Variants in VPS37B observed in about 807,000 individuals in gnomAD.
VPS37B encodes the protein vacuolar protein sorting-associated protein 37B.
VPS37B carries 11 observed loss-of-function variants against 21.2 expected under a neutral mutation model. The ratio of observed to expected loss-of-function variants is 0.52; its 90% CI spans 0.33 to 0.86. The LOEUF (loss-of-function observed/expected upper bound fraction) is 0.86, where lower values mean the gene tolerates loss of function less well. Ranked by LOEUF, VPS37B falls within the 40% of genes least tolerant of loss-of-function variation. The probability of loss-of-function intolerance (pLI) is 0.03; values close to 1 mark genes in which losing one functional copy is unlikely to be tolerated. For missense variants in VPS37B, 389 were observed against 374.8 expected (o/e 1.04, Z -0.31); for synonymous variants, 175 against 159.6 (o/e 1.10, Z -0.73).
Position 122,868,045 on chromosome 12 carries a change from G to A in VPS37B, c.366+435C>T, listed in dbSNP as rs2033944650. ...ATCGAGCCCAGCCCTATCTTGGCAA[G>A]ACCCTGCCGGCCCCAGCCTGCAACA... On this transcript the variant is annotated intron_variant, in intron 3 of 3. Transcript: ENST00000267202. This position sits in a 1 kb window ranked among gnomAD's most constrained non-coding sequence, Gnocchi z 5.5. Among the ~76,000 whole-genome samples, 1 of 152,216 alleles carries A rather than the reference G, an allele frequency of 6.6e-6. No homozygotes were observed. The highest frequency in any genetic ancestry group is 1.5e-5 in the Non-Finnish European group (1 of 68,030).
At chr12:122,881,783 GT>G (rs1280982187) in intron 1 of VPS37B, 2 of 151,994 alleles carry the variant, frequency 1.3e-5, no homozygotes, top group African/African-American at 4.8e-5. Flanking sequence ...ATCATCTAAG[GT>G]TCATTCCTAT....
At position 122,870,890 on chromosome 12, in the gene VPS37B, CT is replaced by C; in HGVS notation, c.282del (p.Asp95ThrfsTer13). ...CGAATGATCACCCTTAAAAAGTTAC[CT>C]AATTTGGTCTTCTTTATCTGATAGG... ...FEAYQIKKTK[L>X]DRQSSSASLE... On this transcript the variant is annotated frameshift_variant and splice_region_variant, in exon 2 of 4. Transcript: ENST00000267202. LOFTEE classifies it high-confidence loss of function. 6.2e-7 allele frequency: 1 copy of C among 1,611,268 alleles called. No individual in the cohort carries two copies.
intron 1 of VPS37B, chr12:122,872,173 G>A: frequency 2.0e-6 from 2 of 985,454 alleles, no homozygotes; most frequent in South Asian, 9.4e-5. Context: ...CATACCCGTT[G>A]ATTGCTGTCA....
intron 1 of VPS37B, among the ~76,000 whole-genome samples, chr12:122,894,268 G>GAA (rs1251725317): frequency 6.6e-6 from 1 of 152,202 alleles, no homozygotes; most frequent in Admixed American, 6.5e-5. Context: ...CTCCAAAATG[G>GAA]AAGGTGCCAC....
rs768977366 is a variant in VPS37B, at chr12:122,868,496, A to G, written c.350T>C (p.Ile117Thr). The G allele has an allele frequency of 1.2e-6, 2 of 1,613,462 alleles. No individual in the cohort carries two copies. Among genetic ancestry groups the G allele is most frequent in the Non-Finnish European group, 1.7e-6 (2 of 1,179,848 alleles). ...LALLQAEGAKIEEDTENMAEK... is the reference protein window; with the variant it reads ...LALLQAEGAKTEEDTENMAEK... ...GGGCTTTACCTCAGTGTCTTCCTCA[A>G]TCTTGGCCCCTTCTGCCTGAAGAAG... Residue 117 changes from isoleucine to threonine, a missense_variant, in exon 3 of 4, where the codon ATT becomes ACT. By Grantham distance (89) the Ile-to-Thr change is moderately conservative. Transcript: ENST00000267202. The surrounding 1 kb of genome is among the most constrained non-coding windows in gnomAD (Gnocchi z 5.5).
At chr12:122,886,228 T>A (rs946526690) in intron 1 of VPS37B, 6 of 152,252 alleles carry the variant, frequency 3.9e-5, no homozygotes, top group African/African-American at 1.2e-4. Flanking sequence ...CCCCAAGGAC[T>A]CAGTCCTGTG....
At chr12:122,895,724 G>A (rs921756651) in intron 1 of VPS37B, among the ~76,000 whole-genome samples, 17 of 151,134 alleles carry the variant, frequency 1.1e-4, no homozygotes, top group African/African-American at 3.9e-4. Flanking sequence ...CTCCGCCCTA[G>A]TCTCGGTCCC....
chr12:122,890,758 TCAC>T (rs1162134985), intron 1 of VPS37B, among the ~76,000 whole-genome samples: 1 of 152,250 alleles, frequency 6.6e-6, no homozygotes, highest in East Asian at 1.9e-4. Context: ...TATGCCACCA[TCAC>T]CACCATCTAC....
At position 122,867,312 on chromosome 12, in the gene VPS37B, G is replaced by T; in HGVS notation, c.662C>A (p.Thr221Asn). 6.3e-7 allele frequency: 1 copy of T among 1,585,326 alleles called. No homozygotes were observed. Among genetic ancestry groups the T allele is most frequent in the South Asian group, 1.1e-5 (1 of 88,264 alleles). ...PPPVPAGRLA[T>N]PFTAAMSSGQ... ...CGAACTCATGGCCGCAGTAAACGGG[G>T]TGGCTAAGCGTCCCGCAGGCACCGG... Residue 221 changes from threonine to asparagine, a missense_variant, in exon 4 of 4, where the codon ACC (threonine) becomes AAC (asparagine). Coordinates refer to ENST00000267202, the MANE Select transcript of VPS37B (RefSeq NM_024667.3). The surrounding 1 kb of genome is among the most constrained non-coding windows in gnomAD (Gnocchi z 5.5).
Position 122,896,063 on chromosome 12 carries a change from C to T in VPS37B, c.-1G>A, listed in dbSNP as rs1157631023. On this transcript the variant is annotated 5_prime_UTR_variant, in exon 1 of 4. Coordinates refer to ENST00000267202, the MANE Select transcript of VPS37B (RefSeq NM_024667.3). ...GGGCTTCGCTCCCGGCGCCCGCCAT[C>T]CCCACGTCTCGGCCGTCGTCGCCAC... is the stretch of plus-strand genomic sequence containing the variant. 3.8e-6 allele frequency: 6 copies of T among 1,576,896 alleles called. No homozygotes were observed. In the Admixed American group the frequency reaches 8.7e-5, roughly 23 times the overall value.
chr12:122,892,913 T>C (rs939052143), intron 1 of VPS37B, among the ~76,000 whole-genome samples: 2 of 152,056 alleles, frequency 1.3e-5, no homozygotes, highest in African/African-American at 4.8e-5. Flanking sequence ...ATACAAAAAT[T>C]AGCTGGGTGT....
chr12:122,892,673 T>C (rs1474422371), intron 1 of VPS37B, among the ~76,000 whole-genome samples: 1 of 152,208 alleles, frequency 6.6e-6, no homozygotes, highest in African/African-American at 2.4e-5. Context: ...ATCCCAGCAC[T>C]TTGGGAAATC....
intron 1 of VPS37B, chr12:122,873,552 T>G (rs2034080155): frequency 6.6e-6 from 1 of 152,246 alleles, no homozygotes; most frequent in Non-Finnish European, 1.5e-5. Context: ...CAGGGAATTC[T>G]GAGAAACAGG....
chr12:122,870,932 G>T lies in VPS37B; in HGVS notation c.241C>A (p.Gln81Lys). 2 of 1,614,170 alleles carry T rather than the reference G, an allele frequency of 1.2e-6. No homozygotes were observed. The highest frequency in any genetic ancestry group is 1.7e-6 in the Non-Finnish European group (2 of 1,180,030). The change falls in exon 2 of 4, where the codon CAG (glutamine) becomes AAG (lysine). Residue 81 changes from glutamine (Q) to lysine (K), a missense_variant. Physicochemically the swap from Gln to Lys is moderately conservative, Grantham distance 53. Transcript: ENST00000267202. Reference sequence around the variant, plus strand: ...ATCTGATAGGCTTCAAAGAGAACCTGGAGTTCCTGGTATTTCTGGGTCAAG... The same window carrying T: ...ATCTGATAGGCTTCAAAGAGAACCTTGAGTTCCTGGTATTTCTGGGTCAAG... ...ARLTQKYQEL[Q>K]VLFEAYQIKK...
chr12:122,891,815 C>A (rs1275550659), intron 1 of VPS37B, among the ~76,000 whole-genome samples: 2 of 152,358 alleles, frequency 1.3e-5, no homozygotes, highest in East Asian at 3.9e-4. Context: ...CACACCCGAA[C>A]ACGCCTTAGG....
chr12:122,895,750 C>T (rs1425648315), intron 1 of VPS37B, among the ~76,000 whole-genome samples: 1 of 151,788 alleles, frequency 6.6e-6, no homozygotes, highest in Non-Finnish European at 1.5e-5. Flanking sequence ...TGCCTCAAAC[C>T]CCCTCTCAGG....
intron 1 of VPS37B, chr12:122,888,745 C>A: frequency 2.8e-6 from 1 of 356,150 alleles, no homozygotes; most frequent in South Asian, 2.1e-5. Flanking sequence ...CCTTCGATGG[C>A]AGCTCTTTCC....
rs2135716514 is a variant in VPS37B at position 122,896,119 on chromosome 12, G to A, written c.-57C>T. On this transcript the variant is annotated 5_prime_UTR_variant, in exon 1 of 4. Transcript: ENST00000267202. The stretch of plus-strand genomic sequence containing the variant: ...CTGCGGCCACCAGGCTCCGCCGACC[G>A]GAAGCGCCGCCCTCAAGGGCCGCCC... The A allele has an allele frequency of 4.2e-6, 6 of 1,420,462 alleles. No individual in the cohort carries two copies. Among genetic ancestry groups the A allele is most frequent in the African/African-American group, 1.5e-5 (1 of 66,992 alleles). 88.0% of individuals were successfully genotyped at this position (1,420,462 alleles called of 1,614,324 possible).
At position 122,868,392 on chromosome 12, in the gene VPS37B, C is replaced by T. The variant is rs890652178; in HGVS notation, c.366+88G>A. On this transcript the variant is annotated intron_variant, in intron 3 of 3. Transcript: ENST00000267202. This position sits in a 1 kb window ranked among gnomAD's most constrained non-coding sequence, Gnocchi z 5.5. ...TGGGAGGCACCACTCCTGGCCGTGG[C>T]GGTGTGGCACTCACGGTCCCTGGAG... is the stretch of plus-strand genomic sequence containing the variant. 20 of 1,225,990 alleles carry T rather than the reference C, an allele frequency of 1.6e-5. No individual in the cohort carries two copies. Among genetic ancestry groups the T allele is most frequent in the South Asian group, 3.8e-5 (3 of 78,146 alleles). The allele number at this position is 1,225,990 out of a possible 1,614,324, so 75.9% of individuals were successfully genotyped here.
Sources: gnomAD v4.1 joint callset for allele counts (sites outside exome capture counted in the v4.1 genomes callset) on GRCh38, gnomAD v4.1.1 for gene constraint, Gnocchi (gnomAD v3.1) non-coding constraint, MANE v1.5 for transcripts, NCBI Gene and HGNC (gene_info 2026-07-23, HGNC 2026-07-21) for gene names.